LHFPL3: variants seen among roughly 807,000 people sequenced by gnomAD.
The protein encoded by LHFPL3 is LHFPL tetraspan subfamily member 3 protein.
A neutral mutation model predicts 19.3 loss-of-function variants in LHFPL3; 5 were observed. The ratio of observed to expected loss-of-function variants is 0.26; its 90% confidence interval spans 0.14 to 0.54. The LOEUF is 0.54. Ranked by LOEUF, LHFPL3 falls within the 20% of genes least tolerant of loss-of-function variation. The probability of loss-of-function intolerance (pLI) is 0.94; values close to 1 mark genes in which losing one functional copy is unlikely to be tolerated. For missense variants in LHFPL3, 249 were observed against 307.4 expected, an observed-to-expected ratio of 0.81 and a Z score of 1.42; for synonymous variants, 133 against 126.2, an observed-to-expected ratio of 1.05 and a Z score of -0.36.
In LHFPL3 at chr7:104,639,131, C is replaced by T. The variant is rs1045682773; in HGVS notation, c.446-97544C>T. ...TTTGAGAATTTTTACATCAATATTT[C>T]AGTATGAATGGTACCAACTCTTCTT... On this transcript the variant is annotated intron_variant, in intron 1 of 2. Transcript: ENST00000424859. Among the ~76,000 whole-genome samples the T allele has an allele frequency of 2.0e-5, 3 of 152,096 alleles. No homozygotes were observed. The South Asian group carries it at 6.2e-4, about 32-fold the overall frequency.
At chr7:104,480,658 G>A (rs889063413) in intron 1 of LHFPL3, among the ~76,000 whole-genome samples, 3 of 151,774 alleles carry the variant, frequency 2.0e-5, no homozygotes, top group African/African-American at 7.3e-5. Context: ...TAAGTGTCTG[G>A]AAAAAAAATA....
intron 1 of LHFPL3, among the ~76,000 whole-genome samples, chr7:104,503,301 C>T (rs1248033594): frequency 2.0e-5 from 3 of 152,004 alleles, no homozygotes; most frequent in Non-Finnish European, 4.4e-5. Context: ...CACACGCACA[C>T]ATATATGAAT....
intron 1 of LHFPL3, among the ~76,000 whole-genome samples, chr7:104,692,608 C>T (rs935608388): frequency 2.0e-5 from 3 of 152,250 alleles, no homozygotes; most frequent in Non-Finnish European, 2.9e-5. Flanking sequence ...ACGTACAGCT[C>T]AGGTCATTGC....
At chr7:104,720,692 C>T (rs1454094092) in intron 1 of LHFPL3, among the ~76,000 whole-genome samples, 2 of 151,954 alleles carry the variant, frequency 1.3e-5, no homozygotes, top group African/African-American at 4.8e-5. Context: ...AAAAAATTTA[C>T]AAGAAAAAAA....
chr7:104,397,060 T>C (rs1791205472), intron 1 of LHFPL3, among the ~76,000 whole-genome samples: 1 of 152,158 alleles, frequency 6.6e-6, no homozygotes, highest in Admixed American at 6.5e-5. Context: ...TGAATATACC[T>C]GGGAAGTTTC....
intron 1 of LHFPL3, among the ~76,000 whole-genome samples, chr7:104,504,612 A>G (rs1280202495): frequency 6.6e-6 from 1 of 152,232 alleles, no homozygotes; most frequent in Non-Finnish European, 1.5e-5. Context: ...AATATTTAAT[A>G]CAAATATAGG....
chr7:104,729,346 T>C (rs76813327), intron 1 of LHFPL3, among the ~76,000 whole-genome samples: 3,765 of 152,300 alleles, frequency 0.025, 147 homozygotes, highest in African/African-American at 0.086. Flanking sequence ...CTCATACATT[T>C]ATCATTTCTT....
intron 1 of LHFPL3, among the ~76,000 whole-genome samples, chr7:104,714,121 A>G (rs1793343833): frequency 6.6e-6 from 1 of 152,236 alleles, no homozygotes; most frequent in African/African-American, 2.4e-5. Context: ...TAGAACTTGA[A>G]GTTGAAAGAT....
chr7:104,845,272 C>G (rs145726377), intron 2 of LHFPL3: 5 of 714,724 alleles, frequency 7.0e-6, no homozygotes, highest in Non-Finnish European at 1.2e-5. Flanking sequence ...TCTCTGCACA[C>G]CGTCAATGGA....
intron 1 of LHFPL3, among the ~76,000 whole-genome samples, chr7:104,374,208 ATGTG>A (rs1006955104): frequency 0.096 from 14,098 of 147,050 alleles, 663 homozygotes; most frequent in East Asian, 0.13. Context: ...CTATCTATAT[ATGTG>A]TGTGTGTGTG....
intron 1 of LHFPL3, among the ~76,000 whole-genome samples, chr7:104,638,974 A>G (rs1391899825): frequency 6.6e-6 from 1 of 151,614 alleles, no homozygotes; most frequent in East Asian, 1.9e-4. Context: ...TATGTTGCCC[A>G]GGGTGGTCTC....
intron 1 of LHFPL3, among the ~76,000 whole-genome samples, chr7:104,593,542 A>G (rs1302427202): frequency 6.6e-6 from 1 of 152,114 alleles, no homozygotes; most frequent in Non-Finnish European, 1.5e-5. Context: ...AGTTCTGTAG[A>G]TGTCTATTAG....
At chr7:104,393,358 T>C (rs929744207) in intron 1 of LHFPL3, among the ~76,000 whole-genome samples, 2 of 151,780 alleles carry the variant, frequency 1.3e-5, no homozygotes, top group Admixed American at 1.3e-4. Context: ...CAAAAACATA[T>C]GCATGAAGAT....
At chr7:104,760,716 G>C (rs1794357001) in intron 2 of LHFPL3, among the ~76,000 whole-genome samples, 1 of 152,130 alleles carries the variant, frequency 6.6e-6, no homozygotes, top group Non-Finnish European at 1.5e-5. Flanking sequence ...CCGATGCTAT[G>C]CTCAAGAAGT....
chr7:104,535,603 AAGGCACAGAACACCTAAATTTC>A (rs1210458607), intron 1 of LHFPL3, among the ~76,000 whole-genome samples: 3 of 152,178 alleles, frequency 2.0e-5, no homozygotes, highest in African/African-American at 7.2e-5. Flanking sequence ...GCAATATTGA[AAGGCACAGAACACCTAAATTTC>A]AGGCACAGAA....
chr7:104,582,334 A>G (rs1025046334), intron 1 of LHFPL3, among the ~76,000 whole-genome samples: 2 of 151,996 alleles, frequency 1.3e-5, no homozygotes, highest in Non-Finnish European at 2.9e-5. Flanking sequence ...CCAACTTACT[A>G]AATTCACTTA....
chr7:104,420,038 G>GTGA (rs1210974825), intron 1 of LHFPL3, among the ~76,000 whole-genome samples: 3 of 152,192 alleles, frequency 2.0e-5, no homozygotes, highest in Non-Finnish European at 4.4e-5. Context: ...CACTATTAAA[G>GTGA]AGCTTTGGTT....
At chr7:104,388,824 C>G (rs1239953097) in intron 1 of LHFPL3, among the ~76,000 whole-genome samples, 1 of 87,062 alleles carries the variant, frequency 1.1e-5, no homozygotes, top group East Asian at 2.7e-4. Context: ...ATATAACCCC[C>G]TTTTATGGTG....
chr7:104,606,158 G>A (rs908276470), intron 1 of LHFPL3, among the ~76,000 whole-genome samples: 1 of 152,106 alleles, frequency 6.6e-6, no homozygotes, highest in Non-Finnish European at 1.5e-5. Context: ...ACCACACCTG[G>A]CCAAAAAGAC....
Sources: allele counts gnomAD v4.1 joint callset (sites outside exome capture counted in the v4.1 genomes callset), GRCh38; gene constraint gnomAD v4.1.1; transcripts MANE v1.5; gene names NCBI Gene and HGNC (gene_info 2026-07-23, HGNC 2026-07-21).